GRIN2B: variants seen among roughly 807,000 people sequenced by gnomAD.
GRIN2B encodes the protein glutamate receptor ionotropic, NMDA 2B.
In GRIN2B, 5 loss-of-function variants were observed where a neutral mutation model predicts 114.5. The observed-to-expected ratio is 0.04, with a 90% CI of 0.02 to 0.09. GRIN2B has a LOEUF of 0.09. Among genes scored for constraint, GRIN2B ranks in the 10% least tolerant of loss-of-function variants. GRIN2B has a pLI of 1.00. For synonymous variants in GRIN2B, 787 were observed against 745.1 expected (o/e 1.06, Z -0.92); for missense variants, 1,108 against 1,943.5 (o/e 0.57, Z 8.08).
At chr12:13,669,289 G>A (rs972977444) in intron 5 of GRIN2B, among the ~76,000 whole-genome samples, 1 of 151,844 alleles carries the variant, frequency 6.6e-6, no homozygotes, top group Non-Finnish European at 1.5e-5. Flanking sequence ...TCCACACTTG[G>A]TACAATTATT....
At chr12:13,762,586 G>A (rs1156973301) in intron 3 of GRIN2B, among the ~76,000 whole-genome samples, 4 of 152,196 alleles carry the variant, frequency 2.6e-5, no homozygotes, top group Non-Finnish European at 5.9e-5. Flanking sequence ...AAGCGGAAGG[G>A]TAGAAAAGGC....
chr12:13,657,348 G>A (rs1229164814), intron 5 of GRIN2B, among the ~76,000 whole-genome samples: 1 of 152,130 alleles, frequency 6.6e-6, no homozygotes, highest in Non-Finnish European at 1.5e-5. Context: ...TCATGAAGAA[G>A]GGCCCAGGTG....
intron 3 of GRIN2B, among the ~76,000 whole-genome samples, chr12:13,847,657 C>T (rs1188724463): frequency 1.3e-5 from 2 of 151,786 alleles, no homozygotes; most frequent in East Asian, 1.9e-4. Flanking sequence ...AGACACGAAC[C>T]AGAGATGCAA....
chr12:13,723,768 A>C (rs912347275), intron 4 of GRIN2B, among the ~76,000 whole-genome samples: 11 of 152,172 alleles, frequency 7.2e-5, no homozygotes, highest in African/African-American at 2.7e-4. Context: ...TATTTGAAAA[A>C]TACATGAGCA....
chr12:13,911,800 A>G lies in GRIN2B; in HGVS notation c.-18-45574T>C, dbSNP rs1462189471. On this transcript the variant is annotated intron_variant, in intron 2 of 13. Transcript: ENST00000609686. Reference sequence around the variant, plus strand: ...GGGGAAGGTATTCAAATACCTGCTCACTTCGGTCTCTTTCATTCTCTGCCT... The same window carrying G: ...GGGGAAGGTATTCAAATACCTGCTCGCTTCGGTCTCTTTCATTCTCTGCCT... Among the ~76,000 whole-genome samples the G allele has an allele frequency of 7.9e-5, 12 of 152,278 alleles. No individual in the cohort carries two copies. In the East Asian group the frequency reaches 2.3e-3, roughly 29 times the overall value.
At chr12:13,857,604 G>A (rs1419643525) in intron 3 of GRIN2B, among the ~76,000 whole-genome samples, 2 of 152,202 alleles carry the variant, frequency 1.3e-5, no homozygotes, top group African/African-American at 2.4e-5. Flanking sequence ...GTGAGACAAG[G>A]GAAATGCACC....
chr12:13,934,907 C>A (rs1231395754), intron 2 of GRIN2B, among the ~76,000 whole-genome samples: 1 of 152,210 alleles, frequency 6.6e-6, no homozygotes, highest in Non-Finnish European at 1.5e-5. Flanking sequence ...ACACTCTGCT[C>A]TGGTACTCTT....
intron 8 of GRIN2B, among the ~76,000 whole-genome samples, chr12:13,612,495 ATAT>A (rs1285277970): frequency 6.6e-6 from 1 of 152,170 alleles, no homozygotes; most frequent in Non-Finnish European, 1.5e-5. Context: ...TCCACGTTAA[ATAT>A]TATTATCTGC....
chr12:13,843,019 A>T (rs1359695167), intron 3 of GRIN2B, among the ~76,000 whole-genome samples: 3 of 105,050 alleles, frequency 2.9e-5, no homozygotes, highest in East Asian at 4.9e-4. Flanking sequence ...ACTTTTTAAA[A>T]TTTTTTATTA....
intron 2 of GRIN2B, among the ~76,000 whole-genome samples, chr12:13,902,533 G>A (rs1026735553): frequency 6.6e-6 from 1 of 151,674 alleles, no homozygotes; most frequent in African/African-American, 2.4e-5. Flanking sequence ...CTTTTTCGCC[G>A]GGCATGGTGG....
chr12:13,746,319 C>T (rs1179709095), intron 4 of GRIN2B, among the ~76,000 whole-genome samples: 2 of 152,112 alleles, frequency 1.3e-5, no homozygotes, highest in South Asian at 4.2e-4. Context: ...TAAATATATA[C>T]CTATGACCCG....
At chr12:13,726,345 G>A (rs1284577385) in intron 4 of GRIN2B, among the ~76,000 whole-genome samples, 2 of 151,712 alleles carry the variant, frequency 1.3e-5, no homozygotes, top group East Asian at 3.9e-4. Context: ...GACCAGCCTG[G>A]CCAACATGGT....
rs1297988341 is a variant in GRIN2B, at chr12:13,545,701, G to A, written c.*17082C>T. 1 of 152,102 alleles carries A rather than the reference G, an allele frequency of 6.6e-6. No homozygotes were observed. The highest frequency in any genetic ancestry group is 1.5e-5 in the Non-Finnish European group (1 of 68,006). 9.4% of individuals were successfully genotyped at this position (152,102 alleles called of 1,614,324 possible). ...ATTATTTTTAATAGGTAAGAAAAAAGTTACTCCGAGTTTCATTAATCTATG... is the reference window on the plus strand; with the variant it reads ...ATTATTTTTAATAGGTAAGAAAAAAATTACTCCGAGTTTCATTAATCTATG... On this transcript the variant is annotated 3_prime_UTR_variant, in exon 14 of 14. Transcript: ENST00000609686.
intron 10 of GRIN2B, among the ~76,000 whole-genome samples, chr12:13,578,140 A>T (rs1301879246): frequency 6.6e-6 from 1 of 152,200 alleles, no homozygotes; most frequent in Non-Finnish European, 1.5e-5. Context: ...AGTTGGTATT[A>T]AACTCCCAGC....
In GRIN2B at chr12:13,753,585, C is replaced by T; in HGVS notation, c.742G>A (p.Gly248Arg). The T allele has an allele frequency of 6.2e-7, 1 of 1,614,192 alleles. No homozygotes were observed. The highest frequency in any genetic ancestry group is 8.5e-7 in the Non-Finnish European group (1 of 1,180,024). ...CACGTGTAGCCATAGCCAGTCAGCC[C>T]TACTGAGTTGGCCACTTCAAAGATG... ...TYIFEVANSV[G>R]LTGYGYTWIV... is the part of the protein sequence containing the mutation. The change falls in exon 4 of 14, where the codon GGG (glycine) becomes AGG (arginine). Residue 248 changes from glycine (G) to arginine (R), a missense_variant. Transcript: ENST00000609686. The surrounding 1 kb of genome is among the most constrained non-coding windows in gnomAD (Gnocchi z 6.2).
At chr12:13,719,725 T>C (rs1203748335) in intron 4 of GRIN2B, among the ~76,000 whole-genome samples, 1 of 152,120 alleles carries the variant, frequency 6.6e-6, no homozygotes, top group Non-Finnish European at 1.5e-5. Context: ...ACCATTCTTA[T>C]GCTAACTTGT....
chr12:13,971,538 G>A (rs1862916108), intron 2 of GRIN2B, among the ~76,000 whole-genome samples: 1 of 152,158 alleles, frequency 6.6e-6, no homozygotes, highest in African/African-American at 2.4e-5. Flanking sequence ...GCACTGAGAG[G>A]GAGGGCAACA....
chr12:13,591,142 T>C (rs903625278), intron 10 of GRIN2B, among the ~76,000 whole-genome samples: 5 of 152,164 alleles, frequency 3.3e-5, no homozygotes, highest in Non-Finnish European at 7.4e-5. Flanking sequence ...TTTTTAGCCC[T>C]GACGTTTGAC....
Position 13,980,560 on chromosome 12 carries a change from T to A in GRIN2B, c.-447-204A>T, listed in dbSNP as rs1361374835. On this transcript the variant is annotated intron_variant, in intron 1 of 13. Coordinates refer to ENST00000609686, the MANE Select transcript of GRIN2B (RefSeq NM_000834.5). ...AGAAAAGGTCTGGCTATACCATTCC[T>A]GGGACAGGCACGGATGAGAGGTGGG... Among the ~76,000 whole-genome samples, 10 of 151,426 alleles carry A rather than the reference T, an allele frequency of 6.6e-5. 1 individual carries two copies.
Sources: allele counts gnomAD v4.1 joint callset (sites outside exome capture counted in the v4.1 genomes callset), GRCh38; gene constraint gnomAD v4.1.1; non-coding constraint Gnocchi (gnomAD v3.1); transcripts MANE v1.5; gene names NCBI Gene and HGNC (gene_info 2026-07-23, HGNC 2026-07-21).